Variants in TCF7 observed in about 807,000 individuals in gnomAD.
TCF7 encodes T-cell-factor-7.
TCF7 carries 19 observed loss-of-function variants against 46.8 expected under a neutral mutation model. That is an observed-to-expected ratio of 0.41 (90% confidence interval 0.28 to 0.60). The LOEUF is 0.60. Ranked by LOEUF, TCF7 falls within the 20% of genes least tolerant of loss-of-function variation. TCF7 has a pLI of 0.35. For missense variants in TCF7, 547 were observed against 504.6 expected (o/e 1.08, Z -0.81); for synonymous variants, 245 against 213.4 (o/e 1.15, Z -1.29).
intron 3 of TCF7, among the ~76,000 whole-genome samples, chr5:134,132,440 C>G (rs1343268734): frequency 6.6e-6 from 1 of 152,232 alleles, no homozygotes; most frequent in East Asian, 1.9e-4. Flanking sequence ...GGGGCTGTTT[C>G]TGCTGGCACA....
intron 6 of TCF7, 139 bp downstream of exon 6, chr5:134,142,443 AG>A (rs1759964575): frequency 1.6e-4 from 4 of 25,052 alleles, no homozygotes. Flanking sequence ...CAGAAGTAGG[AG>A]GGGGTGGGTG....
chr5:134,142,067 A>G (rs1368998585), intron 5 of TCF7, 118 bp from the exon 6 acceptor site: 3 of 1,407,830 alleles, frequency 2.1e-6, no homozygotes, highest in Non-Finnish European at 2.0e-6. Context: ...CCAGTAGGAT[A>G]GAGTATCTAT....
rs749257078 is a variant in TCF7 at position 134,114,945 on chromosome 5, C to T, written c.39C>T (p.Gly13=). Residue 13 remains glycine, a synonymous_variant, in exon 1 of 10, where the codon GGC becomes GGT. Coordinates refer to ENST00000342854, the MANE Select transcript of TCF7 (RefSeq NM_003202.5). ...QLDSGGGGAG[G]GDDLGAPDEL... ...ACTCCGGCGGGGGCGGCGCGGGCGG[C>T]GGCGACGACCTCGGCGCGCCGGACG... 7 of 1,117,942 alleles carry T rather than the reference C, an allele frequency of 6.3e-6. 1 individual carries two copies. In the Admixed American group the frequency reaches 1.2e-4, roughly 19 times the overall value. 69.3% of individuals were successfully genotyped at this position (1,117,942 alleles called of 1,614,324 possible). A position where few individuals can be genotyped will look rare whatever the true frequency, so the allele number is the denominator to read the frequency against.
chr5:134,110,134 C>A (rs1260828921), upstream of TCF7, among the ~76,000 whole-genome samples: 1 of 152,250 alleles, frequency 6.6e-6, no homozygotes, highest in African/African-American at 2.4e-5. Context: ...ATAGTCCTAA[C>A]AAGCCCTGTG....
chr5:134,143,268 C>T (rs751116492), intron 8 of TCF7, 168 bp downstream of exon 8: 1 of 770,834 alleles, frequency 1.3e-6, no homozygotes, highest in Non-Finnish European at 2.2e-6. Context: ...GAGGACAAGC[C>T]CACATCCTAT....
chr5:134,130,248 GC>G (rs1316097420), intron 3 of TCF7, among the ~76,000 whole-genome samples: 1 of 152,174 alleles, frequency 6.6e-6, no homozygotes. Flanking sequence ...GCCCTGTCCC[GC>G]CCCCCAGGAA....
chr5:134,124,213 C>T (rs1210019676), intron 3 of TCF7, among the ~76,000 whole-genome samples: 1 of 152,174 alleles, frequency 6.6e-6, no homozygotes, highest in Admixed American at 6.5e-5. Context: ...GAAACCAGGA[C>T]ATTGTCAGCT....
Position 134,147,924 on chromosome 5 carries a change from C to G in TCF7, c.*1621C>G, listed in dbSNP as rs1027881751. 3 of 135,334 alleles carry G rather than the reference C, an allele frequency of 2.2e-5. No individual in the cohort carries two copies. Among genetic ancestry groups the G allele is most frequent in the Non-Finnish European group, 4.5e-5 (3 of 66,024 alleles). The allele number at this position is 135,334 out of a possible 1,614,324, so 8.4% of individuals were successfully genotyped here. A position where few individuals can be genotyped will look rare whatever the true frequency, so the allele number is the denominator to read the frequency against. ...CCGGGAGGCGGAGGTTCCAGTGAGC[C>G]GAGATGGCGCTATTGCACTCCAGTC... On this transcript the variant is annotated 3_prime_UTR_variant, in exon 10 of 10. Coordinates refer to ENST00000342854, the MANE Select transcript of TCF7 (RefSeq NM_003202.5).
intron 3 of TCF7, chr5:134,123,557 G>A: frequency 5.0e-6 from 2 of 400,402 alleles, no homozygotes; most frequent in Non-Finnish European, 5.1e-6. Flanking sequence ...TCTGGGTGGG[G>A]GCCCCACTGG....
intron 9 of TCF7, chr5:134,145,287 GCCCT>G (rs1561704161): frequency 1.9e-6 from 1 of 540,002 alleles, no homozygotes; most frequent in East Asian, 5.1e-5. Flanking sequence ...ACCATCCTGA[GCCCT>G]TAATCTGAAA....
At chr5:134,118,127 A>C (rs1756077973) in intron 3 of TCF7, among the ~76,000 whole-genome samples, 1 of 152,220 alleles carries the variant, frequency 6.6e-6, no homozygotes, top group Admixed American at 6.5e-5. Flanking sequence ...AAGCAAAGTG[A>C]ATCCACCCCC....
rs542898956 is a variant in TCF7 at position 134,125,615 on chromosome 5, T to C, written c.441+9582T>C. Among the ~76,000 whole-genome samples, 3 of 152,316 alleles carry C rather than the reference T, an allele frequency of 2.0e-5. No individual in the cohort carries two copies. In the South Asian group the frequency reaches 6.2e-4, roughly 32 times the overall value. On this transcript the variant is annotated intron_variant, in intron 3 of 9. Transcript: ENST00000342854. ...GTGGTCTCAGGACCCTTCCCCAGGC[T>C]TGTCATGCCTGGAATGCTGGTAGGA...
At chr5:134,119,048 G>A (rs1392963747) in intron 3 of TCF7, among the ~76,000 whole-genome samples, 2 of 152,206 alleles carry the variant, frequency 1.3e-5, no homozygotes, top group Admixed American at 1.3e-4. Context: ...GGTGGAGGTG[G>A]TGAGTGGGGA....
chr5:134,114,117 G>A (rs1200353437), upstream of TCF7, among the ~76,000 whole-genome samples: 3 of 152,214 alleles, frequency 2.0e-5, no homozygotes, highest in African/African-American at 7.2e-5. Flanking sequence ...ATAAATGTGC[G>A]AAGGGGGGTA....
intron 3 of TCF7, among the ~76,000 whole-genome samples, chr5:134,117,776 C>T (rs1186362146): frequency 6.6e-6 from 1 of 152,168 alleles, no homozygotes; most frequent in Admixed American, 6.5e-5. Flanking sequence ...ACAGCAGATA[C>T]ATTTCTATGT....
chr5:134,121,371 G>T (rs1217665644), intron 3 of TCF7, among the ~76,000 whole-genome samples: 1 of 151,992 alleles, frequency 6.6e-6, no homozygotes, highest in African/African-American at 2.4e-5. Flanking sequence ...ATCATTTGAG[G>T]TTAGGAGTTC....
intron 3 of TCF7, among the ~76,000 whole-genome samples, chr5:134,135,298 G>A (rs762583713): frequency 1.1e-4 from 17 of 152,106 alleles, no homozygotes; most frequent in East Asian, 1.9e-4. Flanking sequence ...AGGAGATACC[G>A]TGGGAAGCCA....
rs940157603 is a variant in TCF7 at position 134,128,583 on chromosome 5, C to T, written c.442-9476C>T. 1.3e-4 allele frequency among the ~76,000 whole-genome samples: 14 copies of T among 111,204 alleles called. 1 individual carries two copies. The highest frequency in any genetic ancestry group is 2.3e-4 in the Non-Finnish European group (14 of 60,254). 73.0% of individuals were successfully genotyped at this position (111,204 alleles called of 152,430 possible). On this transcript the variant is annotated intron_variant, in intron 3 of 9. Coordinates refer to ENST00000342854, the MANE Select transcript of TCF7 (RefSeq NM_003202.5). ...GCAGGCTGCGGGACAGAACACATGA[C>T]AAGACCCCTGTCTTGTCTTTGCTTC...
At chr5:134,114,122 G>A (rs1254954810), upstream of TCF7, among the ~76,000 whole-genome samples, 3 of 152,200 alleles carry the variant, frequency 2.0e-5, no homozygotes, top group African/African-American at 7.2e-5. Flanking sequence ...TGTGCGAAGG[G>A]GGGTATACTT....
Sources: allele counts gnomAD v4.1 joint callset (sites outside exome capture counted in the v4.1 genomes callset), GRCh38; gene constraint gnomAD v4.1.1; transcripts MANE v1.5; gene names NCBI Gene and HGNC (gene_info 2026-07-23, HGNC 2026-07-21).